The following CDH4 variants were observed in gnomAD, a reference collection of about 807,000 sequenced individuals.
The protein encoded by CDH4 is cadherin 4, also known as cadherin-4.
In CDH4, 33 loss-of-function variants were observed where a neutral mutation model predicts 86.0. The observed-to-expected ratio is 0.38, with a 90% confidence interval of 0.29 to 0.51. The LOEUF (loss-of-function observed/expected upper bound fraction) is 0.51. Among genes scored for constraint, CDH4 ranks in the 20% least tolerant of loss-of-function variants. CDH4 has a pLI of 0.86. For synonymous variants in CDH4, 555 were observed against 549.4 expected (o/e 1.01, Z -0.14); for missense variants, 1,114 against 1,307.4 (o/e 0.85, Z 2.28).
intron 4 of CDH4, among the ~76,000 whole-genome samples, chr20:61,824,059 A>G (rs910661752): frequency 5.9e-5 from 9 of 152,176 alleles, no homozygotes; most frequent in African/African-American, 1.9e-4. Context: ...TTTTTACATT[A>G]CTGTTTTCTA....
At chr20:61,493,020 G>T (rs1767916822) in intron 2 of CDH4, among the ~76,000 whole-genome samples, 2 of 152,326 alleles carry the variant, frequency 1.3e-5, no homozygotes, top group African/African-American at 2.4e-5. Context: ...CTTGGGATTT[G>T]CCCATGGTAG....
intron 4 of CDH4, among the ~76,000 whole-genome samples, chr20:61,816,494 T>G (rs1314537337): frequency 6.6e-6 from 1 of 152,184 alleles, no homozygotes; most frequent in Non-Finnish European, 1.5e-5. Flanking sequence ...AAACTGGAGT[T>G]ATAAAAAGTA....
At position 61,392,453 on chromosome 20, in the gene CDH4, A is replaced by G. The variant is rs544136405; in HGVS notation, c.169+137516A>G. On this transcript the variant is annotated intron_variant, in intron 2 of 15. Transcript: ENST00000614565. This position sits in a 1 kb window ranked among gnomAD's most constrained non-coding sequence, Gnocchi z 5.7. Reference sequence around the variant, plus strand: ...AGAGAACTGAGTTCCTTGAATATTAAAATTAACCTTTTTTAATAACAGAAA... The same window carrying G: ...AGAGAACTGAGTTCCTTGAATATTAGAATTAACCTTTTTTAATAACAGAAA... 6.6e-6 allele frequency among the ~76,000 whole-genome samples: 1 copy of G among 152,248 alleles called. No individual in the cohort carries two copies. The highest frequency in any genetic ancestry group is 2.4e-5 in the African/African-American group (1 of 41,552).
chr20:61,332,999 T>G (rs1159948105), intron 2 of CDH4, among the ~76,000 whole-genome samples: 7 of 152,228 alleles, frequency 4.6e-5, no homozygotes, highest in Non-Finnish European at 1.0e-4. Context: ...TCCCCACCGC[T>G]GGGCAAAGTC....
At chr20:61,565,910 C>A (rs946283253) in intron 2 of CDH4, among the ~76,000 whole-genome samples, 1 of 152,194 alleles carries the variant, frequency 6.6e-6, no homozygotes, top group Non-Finnish European at 1.5e-5. Flanking sequence ...CATCCACCCC[C>A]TCTGTCCTCA....
intron 2 of CDH4, among the ~76,000 whole-genome samples, chr20:61,683,490 C>A (rs543088280): frequency 6.6e-6 from 1 of 152,096 alleles, no homozygotes; most frequent in African/African-American, 2.4e-5. Context: ...GCAGGTGCCC[C>A]GGGAGTGCGG....
intron 2 of CDH4, among the ~76,000 whole-genome samples, chr20:61,284,133 A>G (rs891236539): frequency 4.8e-5 from 7 of 144,966 alleles, no homozygotes; most frequent in African/African-American, 1.3e-4. Context: ...GTGAAAACCC[A>G]TCTCTACTAA....
At chr20:61,583,667 A>C (rs2086448922) in intron 2 of CDH4, among the ~76,000 whole-genome samples, 1 of 152,296 alleles carries the variant, frequency 6.6e-6, no homozygotes, top group South Asian at 2.1e-4. Flanking sequence ...CGTTGACATC[A>C]CATTGCCATC....
intron 2 of CDH4, among the ~76,000 whole-genome samples, chr20:61,659,817 G>A (rs1055943874): frequency 2.4e-4 from 36 of 152,342 alleles, no homozygotes; most frequent in East Asian, 1.9e-4. Flanking sequence ...TGCTTGCAGC[G>A]AAGGCCTGGG....
chr20:61,841,754 AGTGTGTGT>A (rs778765000), intron 4 of CDH4, among the ~76,000 whole-genome samples: 1 of 151,402 alleles, frequency 6.6e-6, no homozygotes, highest in Non-Finnish European at 1.5e-5. Context: ...TGTGCACAGG[AGTGTGTGT>A]GTGTGCGCGC....
intron 2 of CDH4, among the ~76,000 whole-genome samples, chr20:61,328,627 T>C (rs2084550643): frequency 6.6e-6 from 1 of 151,782 alleles, no homozygotes; most frequent in Non-Finnish European, 1.5e-5. Flanking sequence ...TTACTAAAAA[T>C]AAAAAAAGAC....
intron 2 of CDH4, among the ~76,000 whole-genome samples, chr20:61,453,086 TTA>T (rs1266888595): frequency 1.3e-5 from 2 of 152,094 alleles, no homozygotes; most frequent in Non-Finnish European, 2.9e-5. Context: ...TGGGAAGTAA[TTA>T]TATGAGTTTA....
chr20:61,727,119 CATCATCATCACCATCAGA>C (rs2088123744), intron 2 of CDH4, among the ~76,000 whole-genome samples: 1 of 151,920 alleles, frequency 6.6e-6, no homozygotes, highest in South Asian at 2.1e-4. Context: ...CCATCGTTGC[CATCATCATCACCATCAGA>C]GCCATCATCA....
chr20:61,703,025 C>T lies in CDH4; in HGVS notation c.170-40538C>T, dbSNP rs923800234. 3.9e-5 allele frequency among the ~76,000 whole-genome samples: 6 copies of T among 152,122 alleles called. No homozygotes were observed. Among genetic ancestry groups the T allele is most frequent in the South Asian group, 2.1e-4 (1 of 4,830 alleles). Reference sequence around the variant, plus strand: ...ACAAGCCTTTCTTCATCTCACTCTGCGTGCCGTGGTCAGTGCCATGTTTTC... The same window carrying T: ...ACAAGCCTTTCTTCATCTCACTCTGTGTGCCGTGGTCAGTGCCATGTTTTC... On this transcript the variant is annotated intron_variant, in intron 2 of 15. Transcript: ENST00000614565. This position sits in a 1 kb window ranked among gnomAD's most constrained non-coding sequence, Gnocchi z 4.3.
At chr20:61,587,563 G>T (rs981554930) in intron 2 of CDH4, among the ~76,000 whole-genome samples, 5 of 152,054 alleles carry the variant, frequency 3.3e-5, no homozygotes, top group African/African-American at 1.2e-4. Context: ...GCGCGGGGAG[G>T]TTAGGGCCCA....
At chr20:61,541,640 G>A (rs920496472) in intron 2 of CDH4, among the ~76,000 whole-genome samples, 5 of 152,194 alleles carry the variant, frequency 3.3e-5, no homozygotes, top group Non-Finnish European at 1.5e-5. Flanking sequence ...GCATCCCGGT[G>A]GAAGGCAGCA....
At chr20:61,449,922 C>T (rs1004823781) in intron 2 of CDH4, among the ~76,000 whole-genome samples, 7 of 152,222 alleles carry the variant, frequency 4.6e-5, no homozygotes, top group African/African-American at 1.2e-4. Context: ...ATTATCCTAT[C>T]ATCAGATGGG....
chr20:61,422,072 G>A (rs1027895233), intron 2 of CDH4, among the ~76,000 whole-genome samples: 20 of 152,080 alleles, frequency 1.3e-4, no homozygotes, highest in Admixed American at 5.2e-4. Context: ...AGCCCCAAAC[G>A]TGTGAAGTTA....
In CDH4 at chr20:61,501,870, C is replaced by T. The variant is rs1328220401; in HGVS notation, c.170-241693C>T. 3.3e-5 allele frequency among the ~76,000 whole-genome samples: 5 copies of T among 152,120 alleles called. No individual in the cohort carries two copies. Among genetic ancestry groups the T allele is most frequent in the Non-Finnish European group, 5.9e-5 (4 of 68,028 alleles). Reference sequence around the variant, plus strand: ...TGGACACGTGTGTCCTTGTATATACCTGTTGCGCCTGCGAGAACATGTTCT... The same window carrying T: ...TGGACACGTGTGTCCTTGTATATACTTGTTGCGCCTGCGAGAACATGTTCT... On this transcript the variant is annotated intron_variant, in intron 2 of 15. Transcript: ENST00000614565. The surrounding 1 kb of genome is among the most constrained non-coding windows in gnomAD (Gnocchi z 4.2).
Sources: gnomAD v4.1 joint callset for allele counts (sites outside exome capture counted in the v4.1 genomes callset) on GRCh38, gnomAD v4.1.1 for gene constraint, Gnocchi (gnomAD v3.1) non-coding constraint, MANE v1.5 for transcripts, NCBI Gene and HGNC (gene_info 2026-07-23, HGNC 2026-07-21) for gene names.